The following AOPEP variants were observed in gnomAD, a reference collection of about 807,000 sequenced individuals.
The protein encoded by AOPEP is aminopeptidase O.
Under a neutral mutation model 98.1 loss-of-function variants are expected in AOPEP, and 77 were observed. That is an observed-to-expected ratio of 0.78 (90% confidence interval 0.65 to 0.95). AOPEP has a LOEUF of 0.95. Ranked by LOEUF, AOPEP falls within the 40% of genes least tolerant of loss-of-function variation. The pLI is 0.00. For synonymous variants in AOPEP, 346 were observed against 365.3 expected (o/e 0.95, Z 0.60); for missense variants, 1,024 against 1,024.7 (o/e 1.00, Z 0.01).
At chr9:94,810,439 C>T (rs975692226) in intron 5 of AOPEP, among the ~76,000 whole-genome samples, 61 of 151,836 alleles carry the variant, frequency 4.0e-4, no homozygotes, top group African/African-American at 1.1e-3. Context: ...CTCAGCCTCC[C>T]GAGTAGATGA....
chr9:94,773,626 C>T (rs1390339569), intron 3 of AOPEP, among the ~76,000 whole-genome samples: 1 of 152,182 alleles, frequency 6.6e-6, no homozygotes, highest in Non-Finnish European at 1.5e-5. Flanking sequence ...CATGGTTTGC[C>T]TGTGTAAAGT....
chr9:94,745,373 C>T (rs1374681309), intron 1 of AOPEP, among the ~76,000 whole-genome samples: 2 of 151,598 alleles, frequency 1.3e-5, no homozygotes, highest in Non-Finnish European at 2.9e-5. Context: ...CCTCCTGGGT[C>T]CACGCCATTC....
the AOPEP span, chr9:95,110,557 C>G: frequency 9.7e-7 from 1 of 1,032,410 alleles, no homozygotes; most frequent in Non-Finnish European, 1.2e-6. Flanking sequence ...TAAATTATCA[C>G]CAAATTTCAA....
At chr9:94,926,035 A>T (rs1007626744) in intron 6 of AOPEP, among the ~76,000 whole-genome samples, 2 of 152,266 alleles carry the variant, frequency 1.3e-5, no homozygotes, top group South Asian at 4.1e-4. Flanking sequence ...TGCCTCTATC[A>T]CCATCTCTTC....
At chr9:94,731,817 A>G (rs1830622213) in intron 1 of AOPEP, among the ~76,000 whole-genome samples, 1 of 83,754 alleles carries the variant, frequency 1.2e-5, no homozygotes, top group Non-Finnish European at 2.0e-5. Context: ...TTTTTTTGAG[A>G]CGGAGTTTCG....
intron 5 of AOPEP, among the ~76,000 whole-genome samples, chr9:94,872,263 A>AG (rs1391056663): frequency 6.6e-6 from 1 of 152,156 alleles, no homozygotes; most frequent in Non-Finnish European, 1.5e-5. Flanking sequence ...CGGGGGCAGT[A>AG]GTCATTCTTC....
intron 13 of AOPEP, among the ~76,000 whole-genome samples, chr9:95,045,161 C>T (rs897602474): frequency 2.0e-5 from 3 of 152,236 alleles, no homozygotes; most frequent in Non-Finnish European, 4.4e-5. Flanking sequence ...GGGTTACTCT[C>T]CAGCCAACGG....
chr9:94,853,763 T>C (rs1325936566), intron 5 of AOPEP, among the ~76,000 whole-genome samples: 1 of 152,174 alleles, frequency 6.6e-6, no homozygotes, highest in Non-Finnish European at 1.5e-5. Flanking sequence ...GAAAGCTTAG[T>C]AAGATTAGCT....
Position 94,810,941 on chromosome 9 carries a change from G to T in AOPEP, c.1364+9939G>T, listed in dbSNP as rs146549780. 1.5e-3 allele frequency among the ~76,000 whole-genome samples: 224 copies of T among 152,248 alleles called. 6 individuals carry two copies. The highest frequency in any genetic ancestry group is 5.3e-4 in the Non-Finnish European group (36 of 68,014). The stretch of plus-strand genomic sequence containing the variant: ...ATTTTCAAATACTCCATCAGGAGTG[G>T]GTTCCATCACTGAAGGCCTTCTTCC... On this transcript the variant is annotated intron_variant, in intron 5 of 16. Coordinates refer to ENST00000375315, the MANE Select transcript of AOPEP (RefSeq NM_001193329.3).
chr9:94,949,365 CCTT>C (rs2057931533), intron 7 of AOPEP, among the ~76,000 whole-genome samples: 1 of 152,204 alleles, frequency 6.6e-6, no homozygotes, highest in Non-Finnish European at 1.5e-5. Flanking sequence ...CTCCTTATCA[CCTT>C]CTTTAGCAGC....
At chr9:95,127,926 T>G in the AOPEP span, among the ~76,000 whole-genome samples, 1 of 152,220 alleles carries the variant, frequency 6.6e-6, no homozygotes, top group African/African-American at 2.4e-5. Flanking sequence ...ATTTCTAATT[T>G]GCAAGTTAAA....
At chr9:94,995,270 A>T (rs1480160409) in intron 11 of AOPEP, among the ~76,000 whole-genome samples, 1 of 152,216 alleles carries the variant, frequency 6.6e-6, no homozygotes, top group Admixed American at 6.5e-5. Flanking sequence ...TTAGGTTCAA[A>T]ATACCAGATA....
chr9:94,821,714 G>A (rs1249320320), intron 5 of AOPEP, among the ~76,000 whole-genome samples: 1 of 152,100 alleles, frequency 6.6e-6, no homozygotes, highest in African/African-American at 2.4e-5. Context: ...TAAATAGTAG[G>A]CAGAGCCTAT....
At chr9:94,782,067 C>T (rs540563623) in intron 3 of AOPEP, among the ~76,000 whole-genome samples, 2 of 151,572 alleles carry the variant, frequency 1.3e-5, no homozygotes, top group East Asian at 2.0e-4. Context: ...GTGGCAGGCG[C>T]GTGTAATCCC....
intron 5 of AOPEP, among the ~76,000 whole-genome samples, chr9:94,911,042 T>C (rs932638075): frequency 2.0e-5 from 3 of 152,206 alleles, no homozygotes; most frequent in Admixed American, 2.0e-4. Flanking sequence ...TTATCACTAC[T>C]GCTACTTGAG....
chr9:94,773,259 C>G, intron 3 of AOPEP, 91 bp downstream of exon 3: 5 of 1,165,306 alleles, frequency 4.3e-6, no homozygotes, highest in Non-Finnish European at 4.8e-6. Context: ...CTTTAAAGAG[C>G]TCCTTTATTA....
At chr9:95,149,573 G>C in the AOPEP span, among the ~76,000 whole-genome samples, 4 of 151,712 alleles carry the variant, frequency 2.6e-5, no homozygotes, top group Non-Finnish European at 5.9e-5. Flanking sequence ...CCGCCTCCCA[G>C]GTGGAAGCGA....
chr9:94,990,887 C>G (rs2060851614), intron 11 of AOPEP, among the ~76,000 whole-genome samples: 1 of 152,190 alleles, frequency 6.6e-6, no homozygotes, highest in Non-Finnish European at 1.5e-5. Flanking sequence ...CTCAGCCCCC[C>G]AAAGTGCTGG....
At chr9:95,099,089 A>G in the AOPEP span, 1 of 194,696 alleles carries the variant, frequency 5.1e-6, no homozygotes, top group East Asian at 8.1e-5. Context: ...AGAATGAAAA[A>G]ATAGACAACA....
Sources: allele counts gnomAD v4.1 joint callset (sites outside exome capture counted in the v4.1 genomes callset), GRCh38; gene constraint gnomAD v4.1.1; transcripts MANE v1.5; gene names NCBI Gene and HGNC (gene_info 2026-07-23, HGNC 2026-07-21).